The following ATXN7L1 variants were observed in gnomAD, a reference collection of about 807,000 sequenced individuals.
ATXN7L1 encodes the protein ataxin-7-like protein 1.
A neutral mutation model predicts 70.8 loss-of-function variants in ATXN7L1; 15 were observed. The ratio of observed to expected loss-of-function variants is 0.21; its 90% CI spans 0.14 to 0.33. ATXN7L1 has a LOEUF of 0.33. Among genes scored for constraint, ATXN7L1 ranks in the 10% least tolerant of loss-of-function variants. The probability of loss-of-function intolerance (pLI) is 1.00; values close to 1 mark genes in which losing one functional copy is unlikely to be tolerated. For missense variants in ATXN7L1, 975 were observed against 1,097.1 expected (o/e 0.89, Z 1.57); for synonymous variants, 440 against 445.1 (o/e 0.99, Z 0.14).
chr7:105,758,753 A>G (rs1484625771), intron 3 of ATXN7L1, among the ~76,000 whole-genome samples: 1 of 152,260 alleles, frequency 6.6e-6, no homozygotes, highest in Non-Finnish European at 1.5e-5. Flanking sequence ...GGTTCTTCTC[A>G]GGACTGTGCC....
chr7:105,651,294 T>A (rs1799791414), intron 4 of ATXN7L1, among the ~76,000 whole-genome samples: 1 of 152,184 alleles, frequency 6.6e-6, no homozygotes, highest in Admixed American at 6.5e-5. Flanking sequence ...TTTGAAGTGA[T>A]TAAATGAGGT....
chr7:105,745,597 T>C (rs145314494), intron 3 of ATXN7L1, among the ~76,000 whole-genome samples: 83 of 152,314 alleles, frequency 5.4e-4, no homozygotes, highest in African/African-American at 1.8e-3. Context: ...CGAGCTGCCC[T>C]GTGTTCTAGG....
intron 3 of ATXN7L1, among the ~76,000 whole-genome samples, chr7:105,703,037 A>C (rs1047773251): frequency 2.6e-5 from 4 of 152,214 alleles, no homozygotes; most frequent in African/African-American, 9.7e-5. Flanking sequence ...AATGGCGTGA[A>C]CCTAGGAGGC....
intron 3 of ATXN7L1, among the ~76,000 whole-genome samples, chr7:105,693,063 C>T (rs977033238): frequency 1.3e-5 from 2 of 152,134 alleles, no homozygotes; most frequent in Non-Finnish European, 2.9e-5. Flanking sequence ...TTCCATTTTT[C>T]CCAGAGTGCA....
intron 2 of ATXN7L1, among the ~76,000 whole-genome samples, chr7:105,845,703 A>T (rs1813926121): frequency 6.6e-6 from 1 of 152,228 alleles, no homozygotes; most frequent in Non-Finnish European, 1.5e-5. Context: ...GCATTAGGAT[A>T]TATAGATCAA....
intron 2 of ATXN7L1, among the ~76,000 whole-genome samples, chr7:105,802,767 C>T (rs1807013500): frequency 6.6e-6 from 1 of 152,208 alleles, no homozygotes; most frequent in Non-Finnish European, 1.5e-5. Context: ...CAGCAGAAGG[C>T]TCACTCCAGC....
chr7:105,761,217 A>T (rs1800490029), intron 3 of ATXN7L1: 1 of 1,451,032 alleles, frequency 6.9e-7, no homozygotes. Context: ...TTTCCTTACT[A>T]GATCCTGACA....
intron 2 of ATXN7L1, among the ~76,000 whole-genome samples, chr7:105,859,577 T>C (rs1195491578): frequency 6.6e-6 from 1 of 152,096 alleles, no homozygotes; most frequent in Non-Finnish European, 1.5e-5. Flanking sequence ...AACAATTACC[T>C]ACAGTATTCA....
chr7:105,818,384 A>T (rs1809520139), intron 2 of ATXN7L1, among the ~76,000 whole-genome samples: 1 of 152,096 alleles, frequency 6.6e-6, no homozygotes. Context: ...CTGGCCAGGG[A>T]TCCTCATGGG....
chr7:105,827,768 G>A (rs970515792), intron 2 of ATXN7L1, among the ~76,000 whole-genome samples: 4 of 152,132 alleles, frequency 2.6e-5, no homozygotes, highest in African/African-American at 9.7e-5. Context: ...CTTATCCAAA[G>A]CTCTTGGGCT....
intron 4 of ATXN7L1, among the ~76,000 whole-genome samples, chr7:105,662,031 C>T (rs759585798): frequency 8.2e-5 from 5 of 60,834 alleles, no homozygotes; most frequent in African/African-American, 3.4e-4. Flanking sequence ...TCTTTCTTTC[C>T]TTCCTTCCTT....
rs963034787 is a variant in ATXN7L1, at chr7:105,736,548, C to A, written c.355+52056G>T. On this transcript the variant is annotated intron_variant, in intron 3 of 11. Coordinates refer to ENST00000419735, the MANE Select transcript of ATXN7L1 (RefSeq NM_020725.2). ...TAAGGCTCTGATGGGAGATTTGGCA[C>A]ATCTATGGCCAAAGAATGGCTCTCT... is the stretch of plus-strand genomic sequence containing the variant. Among the ~76,000 whole-genome samples, 3 of 152,204 alleles carry A rather than the reference C, an allele frequency of 2.0e-5. No homozygotes were observed. The South Asian group carries it at 6.2e-4, about 32-fold the overall frequency.
At chr7:105,701,736 G>A (rs1051473103) in intron 3 of ATXN7L1, among the ~76,000 whole-genome samples, 4 of 151,978 alleles carry the variant, frequency 2.6e-5, no homozygotes, top group Admixed American at 6.6e-5. Flanking sequence ...ACAGGGTCTC[G>A]CTCTGTAACC....
intron 2 of ATXN7L1, among the ~76,000 whole-genome samples, chr7:105,822,558 G>C (rs1810315452): frequency 1.3e-5 from 2 of 152,188 alleles, no homozygotes; most frequent in African/African-American, 2.4e-5. Flanking sequence ...GTGGCTAACT[G>C]GTCACACAAT....
chr7:105,754,276 T>C (rs1799538637), intron 3 of ATXN7L1, among the ~76,000 whole-genome samples: 1 of 152,316 alleles, frequency 6.6e-6, no homozygotes, highest in Admixed American at 6.5e-5. Context: ...TGGCAGCCCC[T>C]GGAGAGACCA....
intron 2 of ATXN7L1, among the ~76,000 whole-genome samples, chr7:105,818,482 A>G (rs1036150463): frequency 9.9e-5 from 15 of 152,096 alleles, no homozygotes; most frequent in African/African-American, 3.6e-4. Flanking sequence ...TAGATTTAGA[A>G]CCAGTAAAAC....
At chr7:105,854,471 G>GAA (rs59330079) in intron 2 of ATXN7L1, among the ~76,000 whole-genome samples, 77 of 97,702 alleles carry the variant, frequency 7.9e-4, no homozygotes, top group African/African-American at 3.0e-3. Flanking sequence ...AATTAGCTCT[G>GAA]AAAAAAAAAA....
At chr7:105,827,228 C>T (rs1188839785) in intron 2 of ATXN7L1, among the ~76,000 whole-genome samples, 1 of 152,202 alleles carries the variant, frequency 6.6e-6, no homozygotes, top group East Asian at 1.9e-4. Context: ...GATTTGGAGC[C>T]TCTTTCCAAA....
At chr7:105,857,778 A>G (rs1457138323) in intron 2 of ATXN7L1, among the ~76,000 whole-genome samples, 1 of 152,198 alleles carries the variant, frequency 6.6e-6, no homozygotes, top group Non-Finnish European at 1.5e-5. Flanking sequence ...TGTACTACAA[A>G]GCTCACTTTC....
Sources: gnomAD v4.1 joint callset for allele counts (sites outside exome capture counted in the v4.1 genomes callset) on GRCh38, gnomAD v4.1.1 for gene constraint, MANE v1.5 for transcripts, NCBI Gene and HGNC (gene_info 2026-07-23, HGNC 2026-07-21) for gene names.